The following KANK1 variants were observed in gnomAD, a reference collection of about 807,000 sequenced individuals.
KANK1 encodes KN motif and ankyrin repeat domain-containing protein 1.
A neutral mutation model predicts 106.2 loss-of-function variants in KANK1; 109 were observed. That is an observed-to-expected ratio of 1.03 (90% confidence interval 0.88 to 1.20). The LOEUF is 1.20. Among genes scored for constraint, KANK1 ranks in the 50% most tolerant of loss-of-function variants. The probability of loss-of-function intolerance (pLI) is 0.00; values close to 1 mark genes in which losing one functional copy is unlikely to be tolerated. For missense variants in KANK1, 2,399 were observed against 1,710.7 expected (o/e 1.40, Z -7.10); for synonymous variants, 873 against 652.2 (o/e 1.34, Z -5.16).
chr9:474,333 A>C (rs1220301332), intron 3 of KANK1, among the ~76,000 whole-genome samples: 1 of 152,216 alleles, frequency 6.6e-6, no homozygotes. Flanking sequence ...TCAGGGGTCA[A>C]AGATGCTGAA....
chr9:562,371 A>G (rs1816724637), intron 1 of KANK1, among the ~76,000 whole-genome samples: 2 of 152,304 alleles, frequency 1.3e-5, no homozygotes, highest in South Asian at 4.1e-4. Flanking sequence ...TGCATTTTCT[A>G]CACCCTGCCA....
chr9:673,516 G>T, intron 1 of KANK1: 1 of 152,252 alleles, frequency 6.6e-6, no homozygotes, highest in Non-Finnish European at 1.5e-5. Context: ...GGCCAACAGT[G>T]TCTTGTTATT....
intron 3 of KANK1, chr9:487,783 C>T (rs1207490795): frequency 6.6e-6 from 1 of 152,204 alleles, no homozygotes; most frequent in Non-Finnish European, 1.5e-5. Flanking sequence ...GGCATGTCTG[C>T]ACAGACCTCA....
intron 1 of KANK1, among the ~76,000 whole-genome samples, chr9:627,154 T>C (rs1834545956): frequency 6.6e-6 from 1 of 152,158 alleles, no homozygotes; most frequent in Admixed American, 6.6e-5. Flanking sequence ...AAATGTAAGA[T>C]ACAGATTGTG....
At chr9:657,001 T>G (rs1563936629) in intron 1 of KANK1, among the ~76,000 whole-genome samples, 1 of 152,154 alleles carries the variant, frequency 6.6e-6, no homozygotes, top group Non-Finnish European at 1.5e-5. Flanking sequence ...CTTTTCCATT[T>G]CACATGACTA....
At chr9:699,287 C>T (rs1295206901) in intron 2 of KANK1, among the ~76,000 whole-genome samples, 1 of 152,218 alleles carries the variant, frequency 6.6e-6, no homozygotes, top group East Asian at 1.9e-4. Flanking sequence ...TCTACCCAGA[C>T]AGGCTCTGTG....
At chr9:534,186 T>G (rs1180184533) in intron 1 of KANK1, among the ~76,000 whole-genome samples, 1 of 152,230 alleles carries the variant, frequency 6.6e-6, no homozygotes, top group African/African-American at 2.4e-5. Flanking sequence ...GTGTGAAGAA[T>G]GAGCCTTTAG....
At chr9:526,251 G>A (rs1042756316) in intron 1 of KANK1, among the ~76,000 whole-genome samples, 2 of 151,908 alleles carry the variant, frequency 1.3e-5, no homozygotes, top group South Asian at 2.1e-4. Flanking sequence ...GCAGAGCAAT[G>A]ACTGTTCCCC....
intron 1 of KANK1, among the ~76,000 whole-genome samples, chr9:528,593 A>G (rs559705325): frequency 4.9e-4 from 71 of 143,442 alleles, no homozygotes; most frequent in African/African-American, 1.7e-3. Context: ...GGTTGAAGCA[A>G]TTCTCCAGTC....
At chr9:714,750 CAG>C (rs1827231296) in intron 3 of KANK1, among the ~76,000 whole-genome samples, 2 of 152,288 alleles carry the variant, frequency 1.3e-5, no homozygotes, top group South Asian at 4.2e-4. Flanking sequence ...AGCTAATAAT[CAG>C]AAAGCCACCC....
chr9:518,462 C>T (rs920082158), intron 1 of KANK1, among the ~76,000 whole-genome samples: 3 of 151,724 alleles, frequency 2.0e-5, no homozygotes, highest in East Asian at 3.8e-4. Flanking sequence ...TTCGGCCAGA[C>T]ACTTCAAGGG....
chr9:595,811 T>C (rs908339448), intron 1 of KANK1, among the ~76,000 whole-genome samples: 7 of 151,964 alleles, frequency 4.6e-5, no homozygotes. Flanking sequence ...CATGAGCCAC[T>C]GTGCCCAGCC....
intron 3 of KANK1, among the ~76,000 whole-genome samples, chr9:718,344 A>C (rs993042539): frequency 1.2e-4 from 14 of 120,192 alleles, no homozygotes; most frequent in Non-Finnish European, 2.1e-4. Flanking sequence ...ACAGGGTCTC[A>C]CTCTGTCACC....
intron 1 of KANK1, among the ~76,000 whole-genome samples, chr9:552,428 C>A (rs1166707921): frequency 3.3e-5 from 5 of 152,152 alleles, no homozygotes; most frequent in Non-Finnish European, 7.3e-5. Context: ...AGTTGTTAAA[C>A]AATATTTGAT....
intron 1 of KANK1, among the ~76,000 whole-genome samples, chr9:516,838 C>T (rs540039087): frequency 5.9e-5 from 9 of 151,578 alleles, no homozygotes; most frequent in African/African-American, 1.5e-4. Context: ...CTTAGCAGCC[C>T]GCTGGGGGGT....
chr9:495,041 C>A (rs577442686), intron 3 of KANK1, among the ~76,000 whole-genome samples: 2 of 152,320 alleles, frequency 1.3e-5, no homozygotes, highest in South Asian at 2.1e-4. Flanking sequence ...GGTGAACTTA[C>A]TTGTTTAGAT....
At position 745,385 on chromosome 9, in the gene KANK1, A is replaced by G; in HGVS notation, c.*150A>G. 1.0e-6 allele frequency: 1 copy of G among 955,082 alleles called. No homozygotes were observed. The highest frequency in any genetic ancestry group is 2.0e-5 in the Admixed American group (1 of 49,858). The allele number at this position is 955,082 out of a possible 1,614,324, so 59.2% of individuals were successfully genotyped here. A position where few individuals can be genotyped will look rare whatever the true frequency, so the allele number is the denominator to read the frequency against. ...CAGGGGTAAAGGCTGAAGCTTTCAC[A>G]GTGCAGAGACTGCTAGCCTGGGCAC... is the stretch of plus-strand genomic sequence containing the variant. On this transcript the variant is annotated 3_prime_UTR_variant, in exon 12 of 12. Coordinates refer to ENST00000382297, the MANE Select transcript of KANK1 (RefSeq NM_015158.5).
chr9:642,795 C>G (rs761586455), intron 1 of KANK1, among the ~76,000 whole-genome samples: 3 of 149,016 alleles, frequency 2.0e-5, no homozygotes, highest in Non-Finnish European at 2.9e-5. Context: ...TGAGCTGCTT[C>G]TATAGATGGA....
At chr9:723,741 C>G (rs1173010177) in intron 3 of KANK1, among the ~76,000 whole-genome samples, 1 of 151,924 alleles carries the variant, frequency 6.6e-6, no homozygotes, top group African/African-American at 2.4e-5. Flanking sequence ...ATAATAGCAA[C>G]CAATGGAAAT....
Sources: allele counts gnomAD v4.1 joint callset (sites outside exome capture counted in the v4.1 genomes callset), GRCh38; gene constraint gnomAD v4.1.1; transcripts MANE v1.5; gene names NCBI Gene and HGNC (gene_info 2026-07-23, HGNC 2026-07-21).